GABRB3: variants seen among roughly 807,000 people sequenced by gnomAD.
GABRB3 encodes gamma-aminobutyric acid type A receptor subunit beta3.
In GABRB3, 14 loss-of-function variants were observed where a neutral mutation model predicts 52.1. The ratio of observed to expected loss-of-function variants is 0.27; its 90% CI spans 0.18 to 0.42. The LOEUF (loss-of-function observed/expected upper bound fraction) is 0.42, where lower values mean the gene tolerates loss of function less well. Ranked by LOEUF, GABRB3 falls within the 10% of genes least tolerant of loss-of-function variation. The pLI is 1.00. For missense variants in GABRB3, 307 were observed against 609.1 expected, an observed-to-expected ratio of 0.50 and a Z score of 5.22; for synonymous variants, 260 against 232.3, an observed-to-expected ratio of 1.12 and a Z score of -1.08.
intron 4 of GABRB3, among the ~76,000 whole-genome samples, chr15:26,600,450 T>A (rs1891548555): frequency 6.6e-6 from 1 of 151,654 alleles, no homozygotes; most frequent in Non-Finnish European, 1.5e-5. Flanking sequence ...CTACCAATTA[T>A]CAAAAACAAA....
At chr15:26,597,244 AT>A (rs1451984809) in intron 4 of GABRB3, among the ~76,000 whole-genome samples, 8 of 152,082 alleles carry the variant, frequency 5.3e-5, no homozygotes, top group African/African-American at 1.7e-4. Context: ...CCACCTCTAC[AT>A]TGGATAGTTT....
chr15:26,772,269 A>C, intron 3 of GABRB3, 133 bp downstream of exon 3: 1 of 728,162 alleles, frequency 1.4e-6, no homozygotes, highest in Non-Finnish European at 2.2e-6. Flanking sequence ...GGCGCCTGGG[A>C]GCGCGGCTCC....
At chr15:26,751,502 A>G (rs897157597) in intron 3 of GABRB3, among the ~76,000 whole-genome samples, 1 of 152,184 alleles carries the variant, frequency 6.6e-6, no homozygotes, top group Non-Finnish European at 1.5e-5. Context: ...CATGAGATAA[A>G]GAATCTGAAA....
chr15:26,548,224 T>C (rs1419210753), intron 8 of GABRB3, 90 bp from the exon 9 acceptor site: 2 of 1,005,354 alleles, frequency 2.0e-6, no homozygotes, highest in African/African-American at 3.2e-5. Context: ...TGCCATCACA[T>C]GTTGCATGTT....
At chr15:26,602,670 C>T (rs528424120) in intron 4 of GABRB3, among the ~76,000 whole-genome samples, 1 of 151,846 alleles carries the variant, frequency 6.6e-6, no homozygotes, top group African/African-American at 2.4e-5. Flanking sequence ...ACCAGTGGGT[C>T]AATGAAGAAA....
At chr15:26,759,273 G>C (rs1326644631) in intron 3 of GABRB3, among the ~76,000 whole-genome samples, 1 of 151,910 alleles carries the variant, frequency 6.6e-6, no homozygotes, top group Non-Finnish European at 1.5e-5. Flanking sequence ...AATTTTTTTT[G>C]AGATGGAGTC....
intron 3 of GABRB3, among the ~76,000 whole-genome samples, chr15:26,739,303 T>C (rs918911489): frequency 7.9e-5 from 12 of 152,042 alleles, no homozygotes; most frequent in Non-Finnish European, 1.6e-4. Flanking sequence ...TAGACACCAC[T>C]GTGTGCAGCT....
intron 3 of GABRB3, among the ~76,000 whole-genome samples, chr15:26,739,713 TG>T (rs1350605505): frequency 1.3e-5 from 2 of 152,162 alleles, no homozygotes; most frequent in Non-Finnish European, 2.9e-5. Flanking sequence ...TGTGTATATT[TG>T]GGGGGATATA....
At chr15:26,648,529 AG>A (rs1193977649) in intron 3 of GABRB3, among the ~76,000 whole-genome samples, 1 of 152,216 alleles carries the variant, frequency 6.6e-6, no homozygotes, top group African/African-American at 2.4e-5. Flanking sequence ...ATGATCCCGA[AG>A]AAAGGGGCAG....
At chr15:26,655,164 T>C (rs1887328351) in intron 3 of GABRB3, among the ~76,000 whole-genome samples, 1 of 152,222 alleles carries the variant, frequency 6.6e-6, no homozygotes, top group African/African-American at 2.4e-5. Context: ...GTTAATTTAA[T>C]ATAGTAGAGA....
chr15:26,614,214 A>G (rs1178184758), intron 4 of GABRB3: 1 of 152,194 alleles, frequency 6.6e-6, no homozygotes, highest in Non-Finnish European at 1.5e-5. Context: ...TTGTAACGCA[A>G]AGATGAAGTT....
chr15:26,599,149 T>G (rs1891497049), intron 4 of GABRB3, among the ~76,000 whole-genome samples: 2 of 152,150 alleles, frequency 1.3e-5, no homozygotes, highest in African/African-American at 4.8e-5. Context: ...TTTAGAAAAG[T>G]GAAGGGGCTA....
chr15:26,694,931 G>A (rs1473862961), intron 3 of GABRB3, among the ~76,000 whole-genome samples: 1 of 152,058 alleles, frequency 6.6e-6, no homozygotes, highest in African/African-American at 2.4e-5. Flanking sequence ...GCCTTTGATG[G>A]GCCCATCAGT....
chr15:26,731,636 G>A (rs1179430663), intron 3 of GABRB3, among the ~76,000 whole-genome samples: 2 of 152,064 alleles, frequency 1.3e-5, no homozygotes, highest in Non-Finnish European at 2.9e-5. Flanking sequence ...TTCCCTCCCT[G>A]CCATATTCAT....
At chr15:26,569,910 G>T (rs1438156053) in intron 6 of GABRB3, among the ~76,000 whole-genome samples, 1 of 152,082 alleles carries the variant, frequency 6.6e-6, no homozygotes, top group African/African-American at 2.4e-5. Flanking sequence ...ATTTAATCTT[G>T]TAAGTTATCT....
intron 3 of GABRB3, among the ~76,000 whole-genome samples, chr15:26,676,972 T>G (rs2140640947): frequency 6.6e-6 from 1 of 152,292 alleles, no homozygotes; most frequent in African/African-American, 2.4e-5. Context: ...TGCCTGCTCA[T>G]TTTAGGCTTG....
At position 26,683,566 on chromosome 15, in the gene GABRB3, C is replaced by T. The variant is rs191822203; in HGVS notation, c.241-62032G>A. Among the ~76,000 whole-genome samples the T allele has an allele frequency of 2.0e-5, 3 of 152,282 alleles. No individual in the cohort carries two copies. The East Asian group carries it at 5.8e-4, about 29-fold the overall frequency. On this transcript the variant is annotated intron_variant, in intron 3 of 8. Coordinates refer to ENST00000311550, the MANE Select transcript of GABRB3 (RefSeq NM_000814.6). ...GACCTCTAGGTGCAGACATGATTGT[C>T]GTAGCAGAGAAGACATACGTGAACC...
intron 4 of GABRB3, among the ~76,000 whole-genome samples, chr15:26,598,014 T>C (rs1891458499): frequency 6.6e-6 from 1 of 152,214 alleles, no homozygotes; most frequent in South Asian, 2.1e-4. Context: ...AAAATGTTAA[T>C]GCTAAATCTG....
chr15:26,746,574 C>T (rs1397260684), intron 3 of GABRB3, among the ~76,000 whole-genome samples: 2 of 142,480 alleles, frequency 1.4e-5, no homozygotes, highest in African/African-American at 5.3e-5. Flanking sequence ...CATTTAAGTC[C>T]GTTTTTTGTT....
Sources: allele counts gnomAD v4.1 joint callset (sites outside exome capture counted in the v4.1 genomes callset), GRCh38; gene constraint gnomAD v4.1.1; transcripts MANE v1.5; gene names NCBI Gene and HGNC (gene_info 2026-07-23, HGNC 2026-07-21).